The following PLPPR1 variants were observed in gnomAD, a reference collection of about 807,000 sequenced individuals.
PLPPR1 encodes the protein phospholipid phosphatase-related protein type 1.
PLPPR1 carries 10 observed loss-of-function variants against 33.1 expected under a neutral mutation model. The observed-to-expected ratio is 0.30, with a 90% CI of 0.19 to 0.51. PLPPR1 has a LOEUF of 0.51. Among genes scored for constraint, PLPPR1 ranks in the 20% least tolerant of loss-of-function variants. The pLI, the probability that PLPPR1 is intolerant of heterozygous loss-of-function variation, is 0.97. For missense variants in PLPPR1, 304 were observed against 408.1 expected, an observed-to-expected ratio of 0.74 and a Z score of 2.20; for synonymous variants, 151 against 151.0, an observed-to-expected ratio of 1.00 and a Z score of 0.00.
intron 1 of PLPPR1, among the ~76,000 whole-genome samples, chr9:101,034,970 A>G (rs1169545597): frequency 1.3e-5 from 2 of 152,110 alleles, no homozygotes; most frequent in East Asian, 3.9e-4. Flanking sequence ...TGCCAATAAC[A>G]CTTGCCTAGT....
chr9:101,227,463 GTGTC>G (rs1336761472), intron 2 of PLPPR1, among the ~76,000 whole-genome samples: 4 of 152,058 alleles, frequency 2.6e-5, no homozygotes, highest in Non-Finnish European at 5.9e-5. Flanking sequence ...CTTTTGAAAA[GTGTC>G]TGTTCATGCC....
intron 1 of PLPPR1, among the ~76,000 whole-genome samples, chr9:101,072,327 C>T (rs1267603433): frequency 6.6e-6 from 1 of 152,118 alleles, no homozygotes; most frequent in African/African-American, 2.4e-5. Context: ...CTCCATCCAG[C>T]TCACAATTTG....
At chr9:101,316,655 T>C (rs1829057460) in intron 6 of PLPPR1, among the ~76,000 whole-genome samples, 1 of 108,334 alleles carries the variant, frequency 9.2e-6, no homozygotes, top group African/African-American at 3.9e-5. Flanking sequence ...AAACAGTCAG[T>C]TATGAAAAGA....
intron 1 of PLPPR1, among the ~76,000 whole-genome samples, chr9:101,157,986 A>C (rs1831718617): frequency 6.6e-6 from 1 of 152,160 alleles, no homozygotes. Context: ...CCTGGGTGAC[A>C]GATGGAAACT....
intron 2 of PLPPR1, among the ~76,000 whole-genome samples, chr9:101,213,954 G>A (rs1191312322): frequency 6.6e-6 from 1 of 152,140 alleles, no homozygotes; most frequent in African/African-American, 2.4e-5. Context: ...TATATTCATA[G>A]AAAGAACCAG....
At chr9:101,198,565 A>G (rs575816976) in intron 2 of PLPPR1, among the ~76,000 whole-genome samples, 1 of 152,296 alleles carries the variant, frequency 6.6e-6, no homozygotes, top group African/African-American at 2.4e-5. Flanking sequence ...ATCTTCACAT[A>G]CATAACATGA....
intron 1 of PLPPR1, among the ~76,000 whole-genome samples, chr9:101,064,372 GA>G (rs1830383222): frequency 6.6e-6 from 1 of 151,764 alleles, no homozygotes; most frequent in Non-Finnish European, 1.5e-5. Flanking sequence ...ATGAATGAAT[GA>G]ATAGGGTTAT....
intron 5 of PLPPR1, 122 bp downstream of exon 5, chr9:101,309,583 C>G: frequency 9.1e-7 from 1 of 1,093,702 alleles, no homozygotes; most frequent in Non-Finnish European, 1.3e-6. Flanking sequence ...TGGCATATTT[C>G]TCTACATTAT....
At chr9:101,256,484 G>T (rs1412773092) in intron 2 of PLPPR1, among the ~76,000 whole-genome samples, 1 of 152,082 alleles carries the variant, frequency 6.6e-6, no homozygotes, top group Non-Finnish European at 1.5e-5. Flanking sequence ...GGGTTCAGGG[G>T]GTAAGCAGAC....
chr9:101,206,673 G>C (rs1826594025), intron 2 of PLPPR1, among the ~76,000 whole-genome samples: 1 of 152,102 alleles, frequency 6.6e-6, no homozygotes, highest in African/African-American at 2.4e-5. Context: ...AATTGATTCA[G>C]CTCCCAACTA....
At chr9:101,185,124 T>C in intron 1 of PLPPR1, 1 of 182,988 alleles carries the variant, frequency 5.5e-6, no homozygotes, top group Non-Finnish European at 1.1e-5. Flanking sequence ...ATACCAAAAA[T>C]TGTATTTCAT....
At chr9:101,154,722 T>C (rs933812524) in intron 1 of PLPPR1, among the ~76,000 whole-genome samples, 3 of 151,958 alleles carry the variant, frequency 2.0e-5, no homozygotes, top group African/African-American at 7.3e-5. Flanking sequence ...CAAATGTCCA[T>C]CAATGATAGA....
intron 2 of PLPPR1, among the ~76,000 whole-genome samples, chr9:101,263,227 G>A (rs777933629): frequency 7.2e-5 from 11 of 152,068 alleles, no homozygotes; most frequent in African/African-American, 1.7e-4. Flanking sequence ...ATCCTGTTAC[G>A]TTGTTTACAA....
intron 2 of PLPPR1, among the ~76,000 whole-genome samples, chr9:101,187,100 C>T (rs751930200): frequency 4.6e-5 from 7 of 151,772 alleles, no homozygotes; most frequent in East Asian, 1.9e-4. Context: ...GCTGCTTATG[C>T]GAAAAAGTTA....
chr9:101,055,845 A>G (rs1297003099), intron 1 of PLPPR1, among the ~76,000 whole-genome samples: 6 of 152,230 alleles, frequency 3.9e-5, no homozygotes, highest in Admixed American at 3.9e-4. Context: ...TTCTCTTGCT[A>G]GTAGACACAA....
chr9:101,314,531 T>C (rs1366900225), intron 6 of PLPPR1, among the ~76,000 whole-genome samples: 6 of 152,130 alleles, frequency 3.9e-5, no homozygotes, highest in Admixed American at 6.5e-5. Context: ...AATTTTTTGG[T>C]TTCCCAGTGC....
chr9:101,311,250 A>G (rs566777328), intron 5 of PLPPR1, among the ~76,000 whole-genome samples: 17 of 152,352 alleles, frequency 1.1e-4, no homozygotes, highest in African/African-American at 3.6e-4. Context: ...CTCACACAGA[A>G]TAAATGTGAC....
intron 2 of PLPPR1, 64 bp from the exon 3 acceptor site, chr9:101,269,816 C>A: frequency 6.6e-7 from 1 of 1,524,768 alleles, no homozygotes; most frequent in South Asian, 1.1e-5. Flanking sequence ...GGAGTGTGCT[C>A]TGAGGGGCAA....
chr9:101,167,264 C>G (rs1249632812), intron 1 of PLPPR1, among the ~76,000 whole-genome samples: 2 of 144,772 alleles, frequency 1.4e-5, no homozygotes, highest in Non-Finnish European at 3.0e-5. Flanking sequence ...TTCTGAAAAA[C>G]AAACAGCTTG....
Sources: allele counts gnomAD v4.1 joint callset (sites outside exome capture counted in the v4.1 genomes callset), GRCh38; gene constraint gnomAD v4.1.1; transcripts MANE v1.5; gene names NCBI Gene and HGNC (gene_info 2026-07-23, HGNC 2026-07-21).